Variants in MAML1 observed in about 807,000 individuals in gnomAD.
MAML1 encodes mastermind-like protein 1.
A neutral mutation model predicts 77.1 loss-of-function variants in MAML1; 14 were observed. That is an observed-to-expected ratio of 0.18 (90% CI 0.12 to 0.28). The LOEUF (loss-of-function observed/expected upper bound fraction) is 0.28. Ranked by LOEUF, MAML1 falls within the 10% of genes least tolerant of loss-of-function variation. The pLI is 1.00. For synonymous variants in MAML1, 516 were observed against 551.9 expected (o/e 0.93, Z 0.91); for missense variants, 1,217 against 1,327.8 (o/e 0.92, Z 1.30).
Position 179,775,019 on chromosome 5 carries a change from C to A in MAML1, c.*142C>A. ...AGCCCAAGCTCCAGGTGAGGCCTGG[C>A]CCTGGGCAGGGTCTGTGGCTGCGCC... On this transcript the variant is annotated 3_prime_UTR_variant, in exon 5 of 5. Coordinates refer to ENST00000292599, the MANE Select transcript of MAML1 (RefSeq NM_014757.5). The A allele has an allele frequency of 2.1e-6, 3 of 1,459,640 alleles. No individual in the cohort carries two copies. Among genetic ancestry groups the A allele is most frequent in the Non-Finnish European group, 2.7e-6 (3 of 1,113,388 alleles). The allele number at this position is 1,459,640 out of a possible 1,614,324, so 90.4% of individuals were successfully genotyped here. A position where few individuals can be genotyped will look rare whatever the true frequency, so the allele number is the denominator to read the frequency against.
chr5:179,743,144 C>T (rs1187952901), intron 1 of MAML1, among the ~76,000 whole-genome samples: 1 of 151,506 alleles, frequency 6.6e-6, no homozygotes, highest in African/African-American at 2.4e-5. Context: ...CCTCCACCTC[C>T]CGGGTTCAAG....
chr5:179,761,964 C>G (rs183081706), intron 1 of MAML1, among the ~76,000 whole-genome samples: 2 of 151,778 alleles, frequency 1.3e-5, no homozygotes, highest in African/African-American at 4.8e-5. Flanking sequence ...GTTTGGCTGA[C>G]AGGAAGATGA....
intron 1 of MAML1, among the ~76,000 whole-genome samples, chr5:179,754,079 T>C (rs1421025287): frequency 6.6e-6 from 1 of 151,608 alleles, no homozygotes; most frequent in Non-Finnish European, 1.5e-5. Flanking sequence ...AGCCCAGGGG[T>C]TTGAGAGCAG....
intron 1 of MAML1, among the ~76,000 whole-genome samples, chr5:179,764,602 G>A (rs375229918): frequency 6.6e-6 from 1 of 151,666 alleles, no homozygotes; most frequent in African/African-American, 2.4e-5. Flanking sequence ...GGAGGTTGCT[G>A]TGAGCCAAGA....
Position 179,765,523 on chromosome 5 carries a change from C to T in MAML1, c.513C>T (p.Asp171=), listed in dbSNP as rs199837253. The change falls in exon 2 of 5, where the codon GAC becomes GAT. Residue 171 remains aspartate (D), a synonymous_variant. Transcript: ENST00000292599. ...LGQSDKPSGA[D]ALQSSGKHSL... ...AGTCTGACAAGCCTTCTGGAGCCGA[C>T]GCCCTGCAGTCCAGTGGGAAGCACT... 1.1e-5 allele frequency: 17 copies of T among 1,613,968 alleles called. No homozygotes were observed. Among genetic ancestry groups the T allele is most frequent in the African/African-American group, 4.0e-5 (3 of 75,030 alleles).
chr5:179,752,598 C>CTTT (rs1172970221), intron 1 of MAML1, among the ~76,000 whole-genome samples: 23 of 71,840 alleles, frequency 3.2e-4, no homozygotes, highest in South Asian at 4.7e-4. Context: ...ATTAGATACT[C>CTTT]TTTTTTTTTT....
At chr5:179,768,689 A>G (rs905518348) in intron 2 of MAML1, among the ~76,000 whole-genome samples, 161 bp from the exon 3 acceptor site, 3 of 152,196 alleles carry the variant, frequency 2.0e-5, no homozygotes, top group African/African-American at 4.8e-5. Context: ...AGATGTCATC[A>G]CTTTTGGTCT....
chr5:179,760,784 A>G (rs974738206), intron 1 of MAML1, among the ~76,000 whole-genome samples: 6 of 152,170 alleles, frequency 3.9e-5, no homozygotes, highest in African/African-American at 1.4e-4. Context: ...GTGGTAAAGA[A>G]AAAGGGAACT....
chr5:179,743,310 C>T (rs1779317289), intron 1 of MAML1, among the ~76,000 whole-genome samples: 1 of 151,492 alleles, frequency 6.6e-6, no homozygotes. Flanking sequence ...CCTCCGCCTC[C>T]CAAAGTGCTG....
At chr5:179,733,508 C>A in intron 1 of MAML1, 81 bp downstream of exon 1, 10 of 1,016,952 alleles carry the variant, frequency 9.8e-6, no homozygotes, top group Non-Finnish European at 1.2e-5. Context: ...GATCGGGCCG[C>A]TGGGAGACTT....
rs1581950498 is a variant in MAML1, at chr5:179,774,108, C to T, written c.2282C>T (p.Ser761Phe). The T allele has an allele frequency of 6.2e-7, 1 of 1,613,704 alleles. No homozygotes were observed. The highest frequency in any genetic ancestry group is 8.5e-7 in the Non-Finnish European group (1 of 1,180,022). The change falls in exon 5 of 5, where the codon TCT (serine) becomes TTT (phenylalanine). Residue 761 changes from serine to phenylalanine, a missense_variant. Physicochemically the swap from Ser to Phe is radical, Grantham distance 155 (BLOSUM62 -2). Around this residue, in one of 3 missense-constraint regions of MAML1, gnomAD observed 884 missense variants for 949.3 expected, o/e 0.93. Coordinates refer to ENST00000292599, the MANE Select transcript of MAML1 (RefSeq NM_014757.5). ...MPQSSLYGMA[S>F]GITQIVAQPP... ...CAGAGCAGCCTCTATGGCATGGCTT[C>T]TGGCATAACCCAGATAGTTGCCCAG...
At chr5:179,761,789 T>A (rs896591431) in intron 1 of MAML1, among the ~76,000 whole-genome samples, 5 of 152,178 alleles carry the variant, frequency 3.3e-5, no homozygotes, top group Non-Finnish European at 4.4e-5. Flanking sequence ...ACTGAAAATA[T>A]GGCCTATGTG....
At chr5:179,767,467 G>A (rs547850346) in intron 2 of MAML1, among the ~76,000 whole-genome samples, 127 of 152,264 alleles carry the variant, frequency 8.3e-4, no homozygotes, top group Non-Finnish European at 1.5e-3. Flanking sequence ...TTTTTCACAT[G>A]CTGTAAAATG....
In MAML1 at chr5:179,765,461, T is replaced by C. The variant is rs771321305; in HGVS notation, c.451T>C (p.Ser151Pro). The C allele has an allele frequency of 2.4e-5, 38 of 1,614,078 alleles. 1 individual carries two copies. The South Asian group carries it at 3.6e-4, about 15-fold the overall frequency. Residue 151 changes from serine (S) to proline (P), a missense_variant, in exon 2 of 5, where the codon TCT (serine) becomes CCT (proline). Ser to Pro is a moderately conservative substitution (Grantham distance 74). Around this residue, in one of 3 missense-constraint regions of MAML1, gnomAD observed 312 missense variants for 331.4 expected, o/e 0.94. Coordinates refer to ENST00000292599, the MANE Select transcript of MAML1 (RefSeq NM_014757.5). ...GGAGGCCCCTCTGGGAGTTGCCATC[T>C]CTTCCAATGGACTGCCTCCAGCCTC... is the stretch of plus-strand genomic sequence containing the variant. ...RREAPLGVAI[S>P]SNGLPPASPL...
At chr5:179,735,428 C>T (rs970163112) in intron 1 of MAML1, among the ~76,000 whole-genome samples, 6 of 152,196 alleles carry the variant, frequency 3.9e-5, no homozygotes, top group Admixed American at 3.9e-4. Flanking sequence ...TGCCCTGTTG[C>T]CCAGGCTGGA....
intron 1 of MAML1, among the ~76,000 whole-genome samples, chr5:179,751,712 G>A (rs1779492925): frequency 6.6e-6 from 1 of 151,466 alleles, no homozygotes; most frequent in South Asian, 2.1e-4. Context: ...CTCAAAAAAA[G>A]AAAAAAATAC....
At chr5:179,765,155 C>T (rs1419838989) in intron 1 of MAML1, among the ~76,000 whole-genome samples, 171 bp from the exon 2 acceptor site, 1 of 151,898 alleles carries the variant, frequency 6.6e-6, no homozygotes, top group Non-Finnish European at 1.5e-5. Flanking sequence ...TCTGACTGGC[C>T]AGGTATAGGA....
At chr5:179,747,808 CAAA>C (rs71001044) in intron 1 of MAML1, among the ~76,000 whole-genome samples, 8 of 40,894 alleles carry the variant, frequency 2.0e-4, no homozygotes, top group Non-Finnish European at 3.3e-4. Context: ...GACTCCATCT[CAAA>C]AAAAAAAAAA....
intron 1 of MAML1, among the ~76,000 whole-genome samples, chr5:179,744,659 G>A (rs139872808): frequency 2.0e-5 from 3 of 150,426 alleles, no homozygotes; most frequent in South Asian, 2.1e-4. Context: ...TCAGCCTCCC[G>A]AGTAGCTACC....
Sources: allele counts gnomAD v4.1 joint callset (sites outside exome capture counted in the v4.1 genomes callset), GRCh38; gene constraint gnomAD v4.1.1; regional missense constraint gnomAD v4.1.1; transcripts MANE v1.5; gene names NCBI Gene and HGNC (gene_info 2026-07-23, HGNC 2026-07-21).